The following LMO2 variants were observed in gnomAD, a reference collection of about 807,000 sequenced individuals.
The protein encoded by LMO2 is LIM domain only 2.
In LMO2, 20 loss-of-function variants were observed where a neutral mutation model predicts 23.2. The observed-to-expected ratio is 0.86, with a 90% CI of 0.61 to 1.25. The LOEUF (loss-of-function observed/expected upper bound fraction) is 1.25. Ranked by LOEUF, LMO2 falls within the 50% of genes most tolerant of loss-of-function variation. The pLI, the probability that LMO2 is intolerant of heterozygous loss-of-function variation, is 0.00. For missense variants in LMO2, 270 were observed against 315.3 expected (o/e 0.86, Z 1.09); for synonymous variants, 123 against 130.2 (o/e 0.94, Z 0.38).
chr11:33,869,233 A>C, intron 4 of LMO2, 113 bp downstream of exon 4: 2 of 737,630 alleles, frequency 2.7e-6, no homozygotes, highest in South Asian at 1.3e-4. Context: ...GGCCAAGGGC[A>C]CGCCGCGAGC....
intron 1 of LMO2, among the ~76,000 whole-genome samples, 171 bp from the exon 2 acceptor site, chr11:33,882,058 C>T (rs892202342): frequency 3.3e-5 from 5 of 152,118 alleles, no homozygotes; most frequent in African/African-American, 2.4e-5. Flanking sequence ...TCCTTGATAG[C>T]GTGACGGGTG....
intron 2 of LMO2, among the ~76,000 whole-genome samples, chr11:33,878,675 G>A (rs1482903217): frequency 6.6e-6 from 1 of 152,176 alleles, no homozygotes; most frequent in East Asian, 1.9e-4. Context: ...CCCAGATCAA[G>A]CTACATCTTT....
intron 5 of LMO2, among the ~76,000 whole-genome samples, chr11:33,862,228 A>T (rs956394883): frequency 6.6e-6 from 1 of 152,184 alleles, no homozygotes; most frequent in Non-Finnish European, 1.5e-5. Context: ...CTGGAATATA[A>T]GTTATGCCTG....
Position 33,864,564 on chromosome 11 carries a change from T to A in LMO2, c.464+38A>T. 6.4e-7 allele frequency: 1 copy of A among 1,565,522 alleles called. No homozygotes were observed. Among genetic ancestry groups the A allele is most frequent in the Non-Finnish European group, 8.7e-7 (1 of 1,145,006 alleles). On this transcript the variant is annotated intron_variant, in intron 5 of 5. Coordinates refer to ENST00000257818, the MANE Select transcript of LMO2 (RefSeq NM_005574.4). The surrounding 1 kb of genome is among the most constrained non-coding windows in gnomAD (Gnocchi z 4.8). ...GCAGATGTCCATGGACCACCCAGCC[T>A]CCCTTCCGAGGGCCCAGTGGAGTGC...
chr11:33,869,632 G>T, intron 3 of LMO2, 46 bp from the exon 4 acceptor site: 1 of 1,258,128 alleles, frequency 7.9e-7, no homozygotes. Flanking sequence ...CTGCGGGCGC[G>T]CCGCGGCCGA....
chr11:33,864,509 G>A lies in LMO2; in HGVS notation c.464+93C>T, dbSNP rs74935162. 0.032 allele frequency: 32,886 copies of A among 1,018,510 alleles called. 629 individuals carry two copies. Among genetic ancestry groups the A allele is most frequent in the Non-Finnish European group, 0.037 (25,578 of 693,494 alleles). The allele number at this position is 1,018,510 out of a possible 1,614,324, so 63.1% of individuals were successfully genotyped here. A position where few individuals can be genotyped will look rare whatever the true frequency, so the allele number is the denominator to read the frequency against. Reference sequence around the variant, plus strand: ...TTTCTATAGGTGGTGTCCGAGCCTGGAGCAGGGTAAGGGGCAACACACACC... The same window carrying A: ...TTTCTATAGGTGGTGTCCGAGCCTGAAGCAGGGTAAGGGGCAACACACACC... On this transcript the variant is annotated intron_variant, in intron 5 of 5. Transcript: ENST00000257818. The surrounding 1 kb of genome is among the most constrained non-coding windows in gnomAD (Gnocchi z 4.8).
At chr11:33,859,814 G>T (rs1318418151) in intron 5 of LMO2, among the ~76,000 whole-genome samples, 1 of 152,112 alleles carries the variant, frequency 6.6e-6, no homozygotes, top group Non-Finnish European at 1.5e-5. Flanking sequence ...CTCCTTGTCT[G>T]CAGCAACCGC....
chr11:33,891,397 ACACT>A (rs970858003), intron 1 of LMO2, among the ~76,000 whole-genome samples: 37 of 151,442 alleles, frequency 2.4e-4, no homozygotes, highest in Non-Finnish European at 2.5e-4. Flanking sequence ...ACATGCACAC[ACACT>A]CACACAGTTG....
At chr11:33,868,702 C>T (rs754764970) in intron 4 of LMO2, among the ~76,000 whole-genome samples, 1 of 152,318 alleles carries the variant, frequency 6.6e-6, no homozygotes, top group African/African-American at 2.4e-5. Flanking sequence ...GGTGCATTAA[C>T]TTTCGAGGTT....
At chr11:33,887,311 G>A (rs1857434118) in intron 1 of LMO2, among the ~76,000 whole-genome samples, 1 of 152,190 alleles carries the variant, frequency 6.6e-6, no homozygotes, top group African/African-American at 2.4e-5. Flanking sequence ...ACCATGGTTA[G>A]GGCATATTGT....
chr11:33,890,062 C>T (rs9735482), intron 1 of LMO2, among the ~76,000 whole-genome samples: 116,833 of 152,192 alleles, frequency 0.77, 45,107 homozygotes, highest in African/African-American at 0.83. Context: ...AAATATCACA[C>T]TGTTCACTCA....
rs2133699893 is a variant in LMO2 at position 33,869,946 on chromosome 11, T to A, written c.-230A>T. The A allele has an allele frequency of 1.9e-6, 2 of 1,044,794 alleles. No individual in the cohort carries two copies. Among genetic ancestry groups the A allele is most frequent in the Middle Eastern group, 4.4e-4 (1 of 2,256 alleles). The allele number at this position is 1,044,794 out of a possible 1,614,324, so 64.7% of individuals were successfully genotyped here. ...TCCTCCTCTCTCGGGAAGGTCTATT[T>A]TCGCTCAGCTTCCCTCTGTCTCTGG... is the stretch of plus-strand genomic sequence containing the variant. On this transcript the variant is annotated 5_prime_UTR_variant, in exon 3 of 6. Coordinates refer to ENST00000257818, the MANE Select transcript of LMO2 (RefSeq NM_005574.4).
At chr11:33,866,835 C>A (rs56361524) in intron 4 of LMO2, among the ~76,000 whole-genome samples, 1 of 152,108 alleles carries the variant, frequency 6.6e-6, no homozygotes, top group African/African-American at 2.4e-5. Context: ...TAAGTAGAGA[C>A]GAGGTTTCAT....
intron 2 of LMO2, among the ~76,000 whole-genome samples, chr11:33,872,439 T>TA (rs1402043239): frequency 2.0e-5 from 3 of 152,212 alleles, no homozygotes; most frequent in Admixed American, 6.5e-5. Context: ...ATGGGGGTAA[T>TA]AACAGATATG....
intron 2 of LMO2, chr11:33,870,513 C>T: frequency 1.0e-6 from 1 of 987,678 alleles, no homozygotes; most frequent in South Asian, 4.7e-5. Flanking sequence ...GGGCTGCGGC[C>T]GCGCTCTGCA....
At chr11:33,884,530 A>G (rs1292196937) in intron 1 of LMO2, among the ~76,000 whole-genome samples, 1 of 152,172 alleles carries the variant, frequency 6.6e-6, no homozygotes, top group African/African-American at 2.4e-5. Flanking sequence ...ACTCCCTAAC[A>G]TTTGGTTCAC....
intron 4 of LMO2, among the ~76,000 whole-genome samples, chr11:33,867,108 G>T (rs11032430): frequency 2.0e-5 from 3 of 152,114 alleles, no homozygotes; most frequent in Admixed American, 6.5e-5. Flanking sequence ...AAACTGCCTG[G>T]AATTCAAATG....
chr11:33,868,470 T>C (rs955027530), intron 4 of LMO2, among the ~76,000 whole-genome samples: 9 of 152,288 alleles, frequency 5.9e-5, no homozygotes, highest in African/African-American at 1.7e-4. Context: ...AAAAGGGCAT[T>C]TGCGTTGACA....
At chr11:33,871,862 T>G (rs962880870) in intron 2 of LMO2, among the ~76,000 whole-genome samples, 1 of 152,150 alleles carries the variant, frequency 6.6e-6, no homozygotes, top group South Asian at 2.1e-4. Flanking sequence ...GGAAAATTAT[T>G]TAATCTGAGG....
Sources: gnomAD v4.1 joint callset for allele counts (sites outside exome capture counted in the v4.1 genomes callset) on GRCh38, gnomAD v4.1.1 for gene constraint, Gnocchi (gnomAD v3.1) non-coding constraint, MANE v1.5 for transcripts, NCBI Gene and HGNC (gene_info 2026-07-23, HGNC 2026-07-21) for gene names.